The following SLC30A4 variants were observed in gnomAD, a reference collection of about 807,000 sequenced individuals.
SLC30A4 encodes solute carrier family 30 member 4.
A neutral mutation model predicts 41.7 loss-of-function variants in SLC30A4; 20 were observed. That is an observed-to-expected ratio of 0.48 (90% CI 0.34 to 0.70). The LOEUF (loss-of-function observed/expected upper bound fraction) is 0.70. SLC30A4 is among the 30% of genes least tolerant of loss of function. The probability of loss-of-function intolerance (pLI) is 0.01; values close to 1 mark genes in which losing one functional copy is unlikely to be tolerated. For synonymous variants in SLC30A4, 181 were observed against 195.9 expected, an observed-to-expected ratio of 0.92 and a Z score of 0.64; for missense variants, 441 against 529.3, an observed-to-expected ratio of 0.83 and a Z score of 1.64.
intron 3 of SLC30A4, among the ~76,000 whole-genome samples, chr15:45,491,166 C>T (rs1158070158): frequency 2.0e-5 from 3 of 151,990 alleles, no homozygotes; most frequent in African/African-American, 7.3e-5. Flanking sequence ...GTACTATAGG[C>T]ACATGCCACC....
At chr15:45,521,935 A>G in intron 2 of SLC30A4, 29 bp downstream of exon 2, 1 of 1,596,698 alleles carries the variant, frequency 6.3e-7, no homozygotes, top group African/African-American at 1.3e-5. Context: ...GGAAAGGTAA[A>G]CGGAAAGTGA....
chr15:45,509,441 A>G (rs1425539344), intron 3 of SLC30A4, among the ~76,000 whole-genome samples: 1 of 152,014 alleles, frequency 6.6e-6, no homozygotes, highest in Non-Finnish European at 1.5e-5. Flanking sequence ...TTTAGTAGAT[A>G]TGGGGTTTCA....
At chr15:45,492,860 A>T (rs574580436) in intron 3 of SLC30A4, among the ~76,000 whole-genome samples, 1 of 152,226 alleles carries the variant, frequency 6.6e-6, no homozygotes, top group Admixed American at 6.5e-5. Context: ...GCTGGGAGAC[A>T]GGGATGACCT....
At chr15:45,513,299 G>C (rs1892356198) in intron 2 of SLC30A4, among the ~76,000 whole-genome samples, 1 of 148,688 alleles carries the variant, frequency 6.7e-6, no homozygotes, top group Non-Finnish European at 1.5e-5. Context: ...TCAACCTCCT[G>C]TGTTCATGTA....
intron 2 of SLC30A4, among the ~76,000 whole-genome samples, chr15:45,517,720 G>A (rs1014158443): frequency 1.3e-5 from 2 of 151,770 alleles, no homozygotes; most frequent in South Asian, 2.1e-4. Flanking sequence ...AGGCCGAGGC[G>A]GACAGATCAC....
intron 3 of SLC30A4, among the ~76,000 whole-genome samples, chr15:45,495,548 T>C (rs996893292): frequency 2.8e-4 from 43 of 152,338 alleles, no homozygotes; most frequent in Admixed American, 2.7e-3. Context: ...ATGCTAAATC[T>C]GGCAAATCCC....
At position 45,482,122 on chromosome 15, in the gene SLC30A4, A is replaced by G. The variant is rs1448446496; in HGVS notation, c.*3041T>C. The G allele has an allele frequency of 6.6e-6, 1 of 151,790 alleles. No homozygotes were observed. Among genetic ancestry groups the G allele is most frequent in the African/African-American group, 2.4e-5 (1 of 40,834 alleles). The allele number at this position is 151,790 out of a possible 1,614,324, so 9.4% of individuals were successfully genotyped here. A position where few individuals can be genotyped will look rare whatever the true frequency, so the allele number is the denominator to read the frequency against. ...GTTTGCAGTGTTTCTGTATTTTACA[A>G]AAGGATTCTTTTTGGCTGGGCACAG... On this transcript the variant is annotated 3_prime_UTR_variant, in exon 8 of 8. Coordinates refer to ENST00000261867, the MANE Select transcript of SLC30A4 (RefSeq NM_013309.6).
chr15:45,487,661 T>A (rs1329646307), intron 5 of SLC30A4, 29 bp from the exon 6 acceptor site: 1 of 1,037,386 alleles, frequency 9.6e-7, no homozygotes, highest in Admixed American at 1.7e-5. Flanking sequence ...AAATTTATGA[T>A]TAAATAGACA....
At chr15:45,487,290 A>AT (rs1157183466) in intron 6 of SLC30A4, among the ~76,000 whole-genome samples, 1 of 152,218 alleles carries the variant, frequency 6.6e-6, no homozygotes, top group Non-Finnish European at 1.5e-5. Flanking sequence ...GTAAATGGGG[A>AT]TAATTTACCA....
intron 2 of SLC30A4, among the ~76,000 whole-genome samples, chr15:45,521,346 A>C (rs1029500629): frequency 6.6e-6 from 1 of 152,214 alleles, no homozygotes; most frequent in African/African-American, 2.4e-5. Context: ...CGAGGCAAAA[A>C]TTTCATGTTA....
At chr15:45,519,612 G>C (rs1227815123) in intron 2 of SLC30A4, 1 of 152,052 alleles carries the variant, frequency 6.6e-6, no homozygotes, top group Non-Finnish European at 1.5e-5. Flanking sequence ...TATCATCTCT[G>C]TATTGTTTAA....
At chr15:45,507,188 C>T (rs1256496716) in intron 3 of SLC30A4, among the ~76,000 whole-genome samples, 1 of 151,694 alleles carries the variant, frequency 6.6e-6, no homozygotes, top group African/African-American at 2.4e-5. Flanking sequence ...TGAGTGGCGG[C>T]GGGCCCCTGT....
intron 2 of SLC30A4, among the ~76,000 whole-genome samples, chr15:45,514,510 AT>A (rs751585996): frequency 0.011 from 1,379 of 124,984 alleles, 7 homozygotes; most frequent in East Asian, 0.085. Context: ...TGATATTCCA[AT>A]TTTTTTTTTT....
rs115716335 is a variant in SLC30A4 at position 45,518,200 on chromosome 15, C to G, written c.391+3764G>C. Among the ~76,000 whole-genome samples, 365 of 152,272 alleles carry G rather than the reference C, an allele frequency of 2.4e-3. 2 individuals are homozygous for G. Among genetic ancestry groups the G allele is most frequent in the African/African-American group, 8.6e-3 (357 of 41,556 alleles). Reference sequence around the variant, plus strand: ...AAACTCCCTCACTCTGTTTGGGTAACTCCTACTATTCTTTTTTTTTTGGCT... The same window carrying G: ...AAACTCCCTCACTCTGTTTGGGTAAGTCCTACTATTCTTTTTTTTTTGGCT... On this transcript the variant is annotated intron_variant, in intron 2 of 7. Transcript: ENST00000261867.
chr15:45,505,037 C>A (rs893232138), intron 3 of SLC30A4, among the ~76,000 whole-genome samples: 11 of 151,958 alleles, frequency 7.2e-5, no homozygotes, highest in Non-Finnish European at 1.6e-4. Context: ...TCGAGACTAG[C>A]CTGGCCAACG....
intron 4 of SLC30A4, among the ~76,000 whole-genome samples, chr15:45,489,373 C>T (rs974794849): frequency 6.6e-6 from 1 of 151,866 alleles, no homozygotes; most frequent in Non-Finnish European, 1.5e-5. Context: ...GGGAAGGCCT[C>T]TCAGATTTTC....
At chr15:45,514,117 G>T (rs565965811) in intron 2 of SLC30A4, among the ~76,000 whole-genome samples, 1 of 152,028 alleles carries the variant, frequency 6.6e-6, no homozygotes, top group Non-Finnish European at 1.5e-5. Context: ...AGGCTGAGGC[G>T]GGCAGATCAC....
chr15:45,499,175 G>A (rs1296057713), intron 3 of SLC30A4, among the ~76,000 whole-genome samples: 4 of 150,046 alleles, frequency 2.7e-5, no homozygotes, highest in African/African-American at 9.8e-5. Context: ...GAGTTCAAGC[G>A]ATTCTCCTGC....
chr15:45,492,250 T>C (rs1891825125), intron 3 of SLC30A4, among the ~76,000 whole-genome samples: 1 of 147,266 alleles, frequency 6.8e-6, no homozygotes. Flanking sequence ...ACATCCTAAA[T>C]GTCCACCAAA....
Sources: allele counts gnomAD v4.1 joint callset (sites outside exome capture counted in the v4.1 genomes callset), GRCh38; gene constraint gnomAD v4.1.1; transcripts MANE v1.5; gene names NCBI Gene and HGNC (gene_info 2026-07-23, HGNC 2026-07-21).